The following SEPTIN7 variants were observed in gnomAD, a reference collection of about 807,000 sequenced individuals.
SEPTIN7 encodes septin-7.
Under a neutral mutation model 63.3 loss-of-function variants are expected in SEPTIN7, and 10 were observed. The ratio of observed to expected loss-of-function variants is 0.16; its 90% CI spans 0.10 to 0.27. SEPTIN7 has a LOEUF of 0.27. Among genes scored for constraint, SEPTIN7 ranks in the 10% least tolerant of loss-of-function variants. The probability of loss-of-function intolerance (pLI) is 1.00; values close to 1 mark genes in which losing one functional copy is unlikely to be tolerated. For synonymous variants in SEPTIN7, 131 were observed against 165.3 expected (o/e 0.79, Z 1.59); for missense variants, 310 against 521.0 (o/e 0.59, Z 3.94).
At chr7:35,823,897 G>A (rs1375841378) in intron 1 of SEPTIN7, among the ~76,000 whole-genome samples, 1 of 151,226 alleles carries the variant, frequency 6.6e-6, no homozygotes, top group African/African-American at 2.4e-5. Context: ...TTTATATCTG[G>A]TACTTAGGGA....
chr7:35,804,226 T>TA (rs1251608274), intron 1 of SEPTIN7, among the ~76,000 whole-genome samples: 1 of 152,216 alleles, frequency 6.6e-6, no homozygotes, highest in Non-Finnish European at 1.5e-5. Context: ...GAGAGGATGT[T>TA]ATCCCCCATA....
At chr7:35,812,905 T>G (rs969269615) in intron 1 of SEPTIN7, among the ~76,000 whole-genome samples, 1 of 152,230 alleles carries the variant, frequency 6.6e-6, no homozygotes, top group Non-Finnish European at 1.5e-5. Flanking sequence ...GGCAAGATTC[T>G]AATTCCCTAC....
chr7:35,805,259 T>C (rs1255096856), intron 1 of SEPTIN7, among the ~76,000 whole-genome samples: 2 of 152,216 alleles, frequency 1.3e-5, no homozygotes, highest in Non-Finnish European at 2.9e-5. Flanking sequence ...TCACAGGTGA[T>C]ATGAATTTTT....
At chr7:35,866,342 G>A (rs1785805440) in intron 4 of SEPTIN7, among the ~76,000 whole-genome samples, 1 of 152,218 alleles carries the variant, frequency 6.6e-6, no homozygotes, top group African/African-American at 2.4e-5. Context: ...AAGCCCAGTA[G>A]TCTAGCAGAT....
intron 9 of SEPTIN7, among the ~76,000 whole-genome samples, chr7:35,884,429 A>C (rs1196234973): frequency 6.6e-6 from 1 of 152,230 alleles, no homozygotes; most frequent in Non-Finnish European, 1.5e-5. Context: ...AGCATTTCAA[A>C]TAAGAGATAC....
At chr7:35,855,589 G>A (rs1195621875) in intron 3 of SEPTIN7, among the ~76,000 whole-genome samples, 1 of 152,082 alleles carries the variant, frequency 6.6e-6, no homozygotes, top group East Asian at 1.9e-4. Context: ...ATTTTTATGT[G>A]TAATACTCAT....
chr7:35,856,431 C>T (rs1226589637), intron 3 of SEPTIN7, among the ~76,000 whole-genome samples: 1 of 152,150 alleles, frequency 6.6e-6, no homozygotes, highest in Non-Finnish European at 1.5e-5. Flanking sequence ...AATAAAGCTG[C>T]TGCAAATACC....
At chr7:35,880,180 T>TTTTCTTTTTTC (rs1786747854) in intron 7 of SEPTIN7, among the ~76,000 whole-genome samples, 1 of 70,378 alleles carries the variant, frequency 1.4e-5, no homozygotes, top group Non-Finnish European at 3.1e-5. Flanking sequence ...TTTAGAATTA[T>TTTTCTTTTTTC]TTTCTTTTTT....
chr7:35,867,008 T>G (rs1456000908), intron 4 of SEPTIN7, among the ~76,000 whole-genome samples: 2 of 152,240 alleles, frequency 1.3e-5, no homozygotes, highest in East Asian at 3.9e-4. Context: ...GTCTGGGTAC[T>G]ACATTTTGAG....
intron 11 of SEPTIN7, among the ~76,000 whole-genome samples, chr7:35,897,164 T>C (rs865900715): frequency 2.0e-5 from 3 of 152,154 alleles, no homozygotes; most frequent in African/African-American, 4.8e-5. Flanking sequence ...AAAATTAGCG[T>C]ATTACAGTAA....
At chr7:35,909,964 CT>C (rs1241407088), downstream of SEPTIN7, among the ~76,000 whole-genome samples, 2 of 152,224 alleles carry the variant, frequency 1.3e-5, no homozygotes, top group Non-Finnish European at 2.9e-5. Context: ...CTACAGTCAA[CT>C]GTGGGCTTCA....
At chr7:35,874,001 T>A in intron 6 of SEPTIN7, 1 of 428,078 alleles carries the variant, frequency 2.3e-6, no homozygotes, top group Non-Finnish European at 4.1e-6. Flanking sequence ...TTTTCCCTGC[T>A]TCATGAAATA....
intron 3 of SEPTIN7, among the ~76,000 whole-genome samples, chr7:35,844,981 T>C (rs1784586115): frequency 6.6e-6 from 1 of 152,070 alleles, no homozygotes; most frequent in Non-Finnish European, 1.5e-5. Flanking sequence ...CCCAGCACTT[T>C]GGAAGGCCCA....
At position 35,903,457 on chromosome 7, in the gene SEPTIN7, C is replaced by T. The variant is rs147731596; in HGVS notation, c.1274+242C>T. 8.4e-3 allele frequency among the ~76,000 whole-genome samples: 1,281 copies of T among 152,258 alleles called. 16 individuals carry two copies. Among genetic ancestry groups the T allele is most frequent in the African/African-American group, 0.03 (1,249 of 41,546 alleles). ...ATTCATAATTATGATTTAGCAACTT[C>T]ATAACATTCTCCCCAGTTAACTTAC... On this transcript the variant is annotated intron_variant, in intron 13 of 13. Coordinates refer to ENST00000350320, the MANE Select transcript of SEPTIN7 (RefSeq NM_001788.6).
chr7:35,879,716 A>G (rs1786711926), intron 6 of SEPTIN7, 107 bp from the exon 7 acceptor site: 5 of 693,904 alleles, frequency 7.2e-6, no homozygotes, highest in South Asian at 3.4e-5. Context: ...AGTGTTTCTG[A>G]TAAGTAAGTA....
chr7:35,890,361 A>G (rs1787556236), intron 10 of SEPTIN7, among the ~76,000 whole-genome samples: 1 of 152,136 alleles, frequency 6.6e-6, no homozygotes, highest in South Asian at 2.1e-4. Context: ...CTAGTATTTA[A>G]ATAGATAATA....
intron 4 of SEPTIN7, among the ~76,000 whole-genome samples, chr7:35,870,864 A>T (rs1457135765): frequency 6.6e-6 from 1 of 150,748 alleles, no homozygotes; most frequent in African/African-American, 2.4e-5. Flanking sequence ...TTTGGTTCTC[A>T]TGATCTCACA....
At chr7:35,813,376 A>G (rs1213226092) in intron 1 of SEPTIN7, among the ~76,000 whole-genome samples, 1 of 149,020 alleles carries the variant, frequency 6.7e-6, no homozygotes, top group Non-Finnish European at 1.5e-5. Flanking sequence ...TTTTTTTTGG[A>G]AAGAGTCTCG....
intron 10 of SEPTIN7, 45 bp downstream of exon 10, chr7:35,885,924 T>C (rs1225133887): frequency 7.4e-6 from 10 of 1,346,862 alleles, no homozygotes; most frequent in Non-Finnish European, 1.1e-5. Flanking sequence ...TTTCTTTCCC[T>C]AAGTAAGAGT....
Sources: allele counts gnomAD v4.1 joint callset (sites outside exome capture counted in the v4.1 genomes callset), GRCh38; gene constraint gnomAD v4.1.1; transcripts MANE v1.5; gene names NCBI Gene and HGNC (gene_info 2026-07-23, HGNC 2026-07-21).